NADSYN1: variants seen among roughly 807,000 people sequenced by gnomAD.
The protein encoded by NADSYN1 is NAD synthetase 1, also known as glutamine-dependent NAD(+) synthetase.
Under a neutral mutation model 99.3 loss-of-function variants are expected in NADSYN1, and 80 were observed. That is an observed-to-expected ratio of 0.81 (90% CI 0.67 to 0.97). NADSYN1 has a LOEUF of 0.97. NADSYN1 is among the 50% of genes least tolerant of loss of function. The pLI is 0.00. For synonymous variants in NADSYN1, 385 were observed against 372.1 expected, an observed-to-expected ratio of 1.03 and a Z score of -0.40; for missense variants, 859 against 948.5, an observed-to-expected ratio of 0.91 and a Z score of 1.24.
rs1341059610 is a variant in NADSYN1, at chr11:71,491,818, T to A, written c.1695-16T>A. On this transcript the variant is annotated splice_polypyrimidine_tract_variant and intron_variant, in intron 17 of 20. Transcript: ENST00000319023. ...TCGCAGCTGCACTGACCGACCTCTG[T>A]GTGTTTTGGCTGCAGCATCCTGTTG... is the stretch of plus-strand genomic sequence containing the variant. 2 of 1,613,254 alleles carry A rather than the reference T, an allele frequency of 1.2e-6. No homozygotes were observed. Among genetic ancestry groups the A allele is most frequent in the Non-Finnish European group, 1.7e-6 (2 of 1,179,698 alleles).
chr11:71,497,372 C>A lies in NADSYN1; in HGVS notation c.1765-111C>A, dbSNP rs1254575516. The A allele has an allele frequency of 3.5e-6, 5 of 1,416,132 alleles. No individual in the cohort carries two copies. The African/African-American group carries it at 5.7e-5, about 16-fold the overall frequency. 87.7% of individuals were successfully genotyped at this position (1,416,132 alleles called of 1,614,324 possible). A position where few individuals can be genotyped will look rare whatever the true frequency, so the allele number is the denominator to read the frequency against. On this transcript the variant is annotated intron_variant, in intron 18 of 20. Transcript: ENST00000319023. ...AAAGCCCACCTCTGCTCCTGCCTCT[C>A]TGGGAAAGTATTGCCTCCTTGGTCT... is the stretch of plus-strand genomic sequence containing the variant.
At chr11:71,474,719 C>T (rs1461247661) in intron 9 of NADSYN1, 193 bp downstream of exon 9, 17 of 568,362 alleles carry the variant, frequency 3.0e-5, no homozygotes, top group Non-Finnish European at 2.8e-5. Flanking sequence ...CCGGGGGTCC[C>T]GCCTGCTCCT....
At chr11:71,474,323 G>A (rs1017406303) in intron 8 of NADSYN1, 72 bp from the exon 9 acceptor site, 2 of 1,600,918 alleles carry the variant, frequency 1.2e-6, no homozygotes, top group South Asian at 1.1e-5. Flanking sequence ...GGAGGTTCCT[G>A]TACTTGGGCA....
At chr11:71,460,183 C>A (rs1200519341) in intron 3 of NADSYN1, 1 of 152,364 alleles carries the variant, frequency 6.6e-6, no homozygotes, top group Non-Finnish European at 1.5e-5. Flanking sequence ...ATCTCAAGGC[C>A]TGTCACCTCA....
At position 71,459,479 on chromosome 11, in the gene NADSYN1, G is replaced by A. The variant is rs528177752; in HGVS notation, c.263+935G>A. 7.9e-5 allele frequency among the ~76,000 whole-genome samples: 12 copies of A among 151,794 alleles called. No homozygotes were observed. The East Asian group carries it at 1.6e-3, about 20-fold the overall frequency. ...CGGTCCCCTATGGAGGCCTCTGCAC[G>A]TGCTGTGCTGGTATCTGAGCCCTGC... On this transcript the variant is annotated intron_variant, in intron 3 of 20. Coordinates refer to ENST00000319023, the MANE Select transcript of NADSYN1 (RefSeq NM_018161.5).
At chr11:71,484,593 G>C (rs1040560447) in intron 15 of NADSYN1, 146 bp downstream of exon 15, 2 of 1,231,028 alleles carry the variant, frequency 1.6e-6, no homozygotes, top group Non-Finnish European at 2.2e-6. Context: ...CCAGTGCTGG[G>C]GTCACAGCCT....
intron 4 of NADSYN1, 85 bp from the exon 5 acceptor site, chr11:71,463,968 C>A: frequency 8.8e-7 from 1 of 1,141,878 alleles, no homozygotes; most frequent in East Asian, 2.5e-5. Flanking sequence ...ATGGCATCAC[C>A]TCGTCACTTG....
At chr11:71,478,694 C>G (rs956024986) in intron 10 of NADSYN1, 1 of 520,816 alleles carries the variant, frequency 1.9e-6, no homozygotes, top group Non-Finnish European at 3.5e-6. Flanking sequence ...CTGGGGTGAG[C>G]TGGGGACAGG....
intron 18 of NADSYN1, among the ~76,000 whole-genome samples, chr11:71,494,314 A>T (rs1428844730): frequency 6.6e-6 from 1 of 152,168 alleles, no homozygotes; most frequent in East Asian, 1.9e-4. Context: ...GCATTATGTT[A>T]GACTGGCCCA....
At chr11:71,473,224 GC>G in intron 6 of NADSYN1, 53 bp from the exon 7 acceptor site, 1 of 1,547,014 alleles carries the variant, frequency 6.5e-7, no homozygotes, top group South Asian at 1.1e-5. Context: ...GTAGTGCGTG[GC>G]CCAGACAGGG....
chr11:71,478,318 T>G, intron 9 of NADSYN1, 77 bp from the exon 10 acceptor site: 1 of 1,268,692 alleles, frequency 7.9e-7, no homozygotes, highest in Non-Finnish European at 1.1e-6. Flanking sequence ...TGACAACACC[T>G]TTGACAGTGG....
At chr11:71,467,033 T>G (rs538764748) in intron 5 of NADSYN1, among the ~76,000 whole-genome samples, 4 of 152,090 alleles carry the variant, frequency 2.6e-5, no homozygotes, top group Non-Finnish European at 5.9e-5. Flanking sequence ...TACAGATGGC[T>G]CACACTAAAA....
chr11:71,482,106 G>A, intron 13 of NADSYN1, 81 bp downstream of exon 13: 1 of 1,275,940 alleles, frequency 7.8e-7, no homozygotes, highest in Non-Finnish European at 1.1e-6. Flanking sequence ...GGAGGGGGCA[G>A]AGGAAACACC....
At chr11:71,472,795 C>T (rs549428385) in intron 6 of NADSYN1, among the ~76,000 whole-genome samples, 8 of 152,346 alleles carry the variant, frequency 5.3e-5, no homozygotes, top group Non-Finnish European at 1.2e-4. Context: ...TCTCCATCCC[C>T]AGGGGCTATG....
intron 16 of NADSYN1, 49 bp downstream of exon 16, chr11:71,485,697 G>A: frequency 7.4e-7 from 1 of 1,355,680 alleles, no homozygotes; most frequent in Non-Finnish European, 1.0e-6. Flanking sequence ...AACCTCTCAG[G>A]TCTCTGAAGG....
At chr11:71,476,532 C>A in intron 9 of NADSYN1, 1 of 448,096 alleles carries the variant, frequency 2.2e-6, no homozygotes, top group Non-Finnish European at 3.0e-6. Flanking sequence ...AAGAATTCCA[C>A]GGTCTTTTCA....
chr11:71,490,663 C>A (rs867165233), intron 16 of NADSYN1, among the ~76,000 whole-genome samples, 182 bp from the exon 17 acceptor site: 1 of 152,194 alleles, frequency 6.6e-6, no homozygotes, highest in Non-Finnish European at 1.5e-5. Flanking sequence ...CACTCAAAGG[C>A]CCTCCTGGGT....
At chr11:71,491,091 G>T in intron 17 of NADSYN1, 115 bp downstream of exon 17, 2 of 1,411,466 alleles carry the variant, frequency 1.4e-6, no homozygotes, top group Non-Finnish European at 9.6e-7. Flanking sequence ...CTGCTGAATG[G>T]TCCTGCCCCT....
At position 71,493,046 on chromosome 11, in the gene NADSYN1, T is replaced by A. The variant is rs4944075; in HGVS notation, c.1764+1143T>A. ...GGGATTATGGGTGTGCATCACCATG[T>A]CTCGCTAAGTTTTTTGTATTTGTAG... On this transcript the variant is annotated intron_variant, in intron 18 of 20. Coordinates refer to ENST00000319023, the MANE Select transcript of NADSYN1 (RefSeq NM_018161.5). Among the ~76,000 whole-genome samples the A allele has an allele frequency of 2.0e-5, 3 of 152,118 alleles. No homozygotes were observed. In the South Asian group the frequency reaches 6.2e-4, roughly 32 times the overall value.
Sources: gnomAD v4.1 joint callset for allele counts (sites outside exome capture counted in the v4.1 genomes callset) on GRCh38, gnomAD v4.1.1 for gene constraint, MANE v1.5 for transcripts, NCBI Gene and HGNC (gene_info 2026-07-23, HGNC 2026-07-21) for gene names.